The following QRICH1 variants were observed in gnomAD, a reference collection of about 807,000 sequenced individuals.
The protein encoded by QRICH1 is glutamine rich 1, also known as transcriptional regulator QRICH1.
A neutral mutation model predicts 87.1 loss-of-function variants in QRICH1; 16 were observed. The ratio of observed to expected loss-of-function variants is 0.18; its 90% CI spans 0.12 to 0.28. QRICH1 has a LOEUF of 0.28. Among genes scored for constraint, QRICH1 ranks in the 10% least tolerant of loss-of-function variants. QRICH1 has a pLI of 1.00. For synonymous variants in QRICH1, 367 were observed against 368.4 expected (o/e 1.00, Z 0.05); for missense variants, 647 against 951.7 (o/e 0.68, Z 4.21).
At chr3:49,035,561 G>A (rs2093269407) in intron 6 of QRICH1, among the ~76,000 whole-genome samples, 3 of 151,972 alleles carry the variant, frequency 2.0e-5, no homozygotes, top group Admixed American at 1.3e-4. Flanking sequence ...TCAGCACATT[G>A]GGAAGCCAAG....
At chr3:49,037,073 TAAAAAAAAAAA>T (rs60963227) in intron 6 of QRICH1, among the ~76,000 whole-genome samples, 4 of 92,614 alleles carry the variant, frequency 4.3e-5, no homozygotes, top group Non-Finnish European at 6.0e-5. Context: ...CCCCGTCTCT[TAAAAAAAAAAA>T]AAAAAAAAAA....
At chr3:49,034,228 A>C (rs975858722) in intron 6 of QRICH1, among the ~76,000 whole-genome samples, 23 of 151,762 alleles carry the variant, frequency 1.5e-4, no homozygotes, top group Non-Finnish European at 2.4e-4. Context: ...GAATTGTTTG[A>C]GCCCAAGAGT....
chr3:49,040,722 C>T (rs961141287), intron 6 of QRICH1, among the ~76,000 whole-genome samples: 1 of 152,168 alleles, frequency 6.6e-6, no homozygotes, highest in Non-Finnish European at 1.5e-5. Context: ...AAGTTTTAAA[C>T]TTCTCTGAAT....
intron 6 of QRICH1, among the ~76,000 whole-genome samples, chr3:49,039,367 GTAAA>G (rs975089816): frequency 8.6e-5 from 13 of 151,082 alleles, no homozygotes; most frequent in African/African-American, 2.7e-4. Context: ...AAATAAATAA[GTAAA>G]TAAATAAATA....
At chr3:49,091,404 A>C (rs1231173983) in intron 1 of QRICH1, among the ~76,000 whole-genome samples, 1 of 148,506 alleles carries the variant, frequency 6.7e-6, no homozygotes, top group African/African-American at 2.5e-5. Flanking sequence ...AAGCATATCC[A>C]AAAAAAAAAG....
At chr3:49,038,946 G>A (rs895947615) in intron 6 of QRICH1, among the ~76,000 whole-genome samples, 1 of 152,136 alleles carries the variant, frequency 6.6e-6, no homozygotes, top group Non-Finnish European at 1.5e-5. Flanking sequence ...AGAACTGCTT[G>A]AATCCAGGAG....
At chr3:49,044,212 C>T (rs2093326950) in intron 6 of QRICH1, among the ~76,000 whole-genome samples, 178 bp downstream of exon 6, 2 of 152,214 alleles carry the variant, frequency 1.3e-5, no homozygotes, top group South Asian at 2.1e-4. Flanking sequence ...AACCAGCAGG[C>T]TTCTCTGGTG....
chr3:49,073,995 C>T (rs2106968633), intron 2 of QRICH1, among the ~76,000 whole-genome samples: 1 of 152,046 alleles, frequency 6.6e-6, no homozygotes, highest in East Asian at 1.9e-4. Flanking sequence ...GTTGCCCAGG[C>T]TGGCCTCAAA....
At chr3:49,079,443 T>C (rs2042015141) in intron 1 of QRICH1, among the ~76,000 whole-genome samples, 1 of 147,882 alleles carries the variant, frequency 6.8e-6, no homozygotes, top group African/African-American at 2.5e-5. Context: ...TTATAATAAT[T>C]ACAATTATGT....
chr3:49,093,649 C>G (rs1213473761), intron 1 of QRICH1: 1 of 172,218 alleles, frequency 5.8e-6, no homozygotes, highest in African/African-American at 2.4e-5. Context: ...CCGCACAGCG[C>G]GCGCGCGTAA....
intron 3 of QRICH1, among the ~76,000 whole-genome samples, chr3:49,052,482 AG>A (rs1406412984): frequency 6.6e-6 from 1 of 152,126 alleles, no homozygotes; most frequent in African/African-American, 2.4e-5. Flanking sequence ...CAGCCCATGC[AG>A]GGTTGAATCT....
At chr3:49,076,611 C>A in intron 2 of QRICH1, 98 bp downstream of exon 2, 1 of 1,130,290 alleles carries the variant, frequency 8.8e-7, no homozygotes, top group South Asian at 2.9e-5. Context: ...TGTTAAATAA[C>A]CTATAACATC....
At chr3:49,083,504 C>G (rs1218584833) in intron 1 of QRICH1, 2 of 152,084 alleles carry the variant, frequency 1.3e-5, no homozygotes, top group African/African-American at 4.8e-5. Context: ...AGCACTCCAA[C>G]CTGGGCACCA....
intron 6 of QRICH1, among the ~76,000 whole-genome samples, chr3:49,038,852 C>A (rs899424353): frequency 6.6e-6 from 1 of 151,970 alleles, no homozygotes; most frequent in Non-Finnish European, 1.5e-5. Context: ...CACAGTGAAA[C>A]CTCGTCTCTA....
chr3:49,064,769 A>G (rs1243175111), intron 2 of QRICH1, among the ~76,000 whole-genome samples: 1 of 152,138 alleles, frequency 6.6e-6, no homozygotes, highest in Non-Finnish European at 1.5e-5. Context: ...TAATCTCAGC[A>G]CTTTGGGAGG....
intron 2 of QRICH1, among the ~76,000 whole-genome samples, chr3:49,066,583 GCCT>G (rs34125719): frequency 0.023 from 3,540 of 151,696 alleles, 156 homozygotes; most frequent in African/African-American, 0.08. Context: ...TCCTGCCTCA[GCCT>G]CCTGAGTAGC....
Position 49,046,712 on chromosome 3 carries a change from A to G in QRICH1, c.1517-133T>C, listed in dbSNP as rs1392343091. The G allele has an allele frequency of 2.7e-5, 27 of 1,003,982 alleles. No homozygotes were observed. In the East Asian group the frequency reaches 6.9e-4, roughly 26 times the overall value. The allele number at this position is 1,003,982 out of a possible 1,614,324, so 62.2% of individuals were successfully genotyped here. On this transcript the variant is annotated intron_variant, in intron 4 of 9. Coordinates refer to ENST00000395443, the MANE Select transcript of QRICH1 (RefSeq NM_198880.3). ...TCTACTAGAATGTTTCATGCCTGTAATGTCAGAACTGGCCTATAACATGAG... is the reference window on the plus strand; with the variant it reads ...TCTACTAGAATGTTTCATGCCTGTAGTGTCAGAACTGGCCTATAACATGAG...
At chr3:49,075,913 A>G (rs1366929692) in intron 2 of QRICH1, among the ~76,000 whole-genome samples, 1 of 152,148 alleles carries the variant, frequency 6.6e-6, no homozygotes, top group Admixed American at 6.6e-5. Flanking sequence ...CCTGGGTGAC[A>G]GAATGAGACT....
At chr3:49,035,680 C>G (rs1472227533) in intron 6 of QRICH1, among the ~76,000 whole-genome samples, 1 of 151,716 alleles carries the variant, frequency 6.6e-6, no homozygotes, top group East Asian at 1.9e-4. Flanking sequence ...CAGCTGAGTG[C>G]AATGGCTTGA....
Sources: allele counts gnomAD v4.1 joint callset (sites outside exome capture counted in the v4.1 genomes callset), GRCh38; gene constraint gnomAD v4.1.1; transcripts MANE v1.5; gene names NCBI Gene and HGNC (gene_info 2026-07-23, HGNC 2026-07-21).